Variants in CIP2A observed in about 807,000 individuals in gnomAD.
CIP2A encodes protein CIP2A.
In CIP2A, 103 loss-of-function variants were observed where a neutral mutation model predicts 110.9. The observed-to-expected ratio is 0.93, with a 90% CI of 0.79 to 1.09. The LOEUF (loss-of-function observed/expected upper bound fraction) is 1.09, where lower values mean the gene tolerates loss of function less well. Ranked by LOEUF, CIP2A falls within the 50% of genes least tolerant of loss-of-function variation. The pLI is 0.00. For missense variants in CIP2A, 1,088 were observed against 1,038.4 expected, an observed-to-expected ratio of 1.05 and a Z score of -0.66; for synonymous variants, 381 against 361.6, an observed-to-expected ratio of 1.05 and a Z score of -0.61.
At chr3:108,559,719 T>A (rs749051175) in intron 16 of CIP2A, 38 bp downstream of exon 16, 12 of 1,234,768 alleles carry the variant, frequency 9.7e-6, no homozygotes, top group African/African-American at 1.5e-5. Flanking sequence ...ACTTATTAAT[T>A]TTTCTACAAA....
chr3:108,585,010 A>C (rs1275799781), intron 2 of CIP2A, 55 bp downstream of exon 2: 2 of 1,507,024 alleles, frequency 1.3e-6, no homozygotes, highest in Non-Finnish European at 1.8e-6. Flanking sequence ...CCTGCACTTT[A>C]AAATATTGTT....
At chr3:108,575,515 C>T (rs565783480) in intron 8 of CIP2A, among the ~76,000 whole-genome samples, 3 of 78,722 alleles carry the variant, frequency 3.8e-5, no homozygotes, top group African/African-American at 1.1e-4. Context: ...TATATATACA[C>T]ATACATATAT....
chr3:108,578,258 T>C (rs528917572), intron 7 of CIP2A, among the ~76,000 whole-genome samples: 1 of 152,358 alleles, frequency 6.6e-6, no homozygotes, highest in African/African-American at 2.4e-5. Flanking sequence ...CTGTTTACTA[T>C]GAAGATGCTG....
intron 10 of CIP2A, among the ~76,000 whole-genome samples, chr3:108,567,603 A>G (rs978232620): frequency 6.6e-6 from 1 of 151,938 alleles, no homozygotes. Context: ...AGTGAAACTA[A>G]AAGGTTTCTT....
Position 108,579,573 on chromosome 3 carries a change from C to T in CIP2A, c.665G>A (p.Gly222Glu), listed in dbSNP as rs747117197. ...LSSLTLNEEVGEKLFHARNIH... is the reference protein window; with the variant it reads ...LSSLTLNEEVEEKLFHARNIH... The stretch of plus-strand genomic sequence containing the variant: ...TTGAAAAATTGTATTTACCTTTTCC[C>T]CCACCTCTTCATTTAATGTCAAACT... The change falls in exon 6 of 21, where the codon GGG becomes GAG. Residue 222 changes from glycine to glutamate, a missense_variant. Coordinates refer to ENST00000295746, the MANE Select transcript of CIP2A (RefSeq NM_020890.3). 8 of 1,588,838 alleles carry T rather than the reference C, an allele frequency of 5.0e-6. No homozygotes were observed. The highest frequency in any genetic ancestry group is 1.8e-5 in the Admixed American group (1 of 56,876).
At chr3:108,576,466 CT>C (rs1287786297) in intron 7 of CIP2A, 120 bp from the exon 8 acceptor site, 3 of 526,728 alleles carry the variant, frequency 5.7e-6, no homozygotes, top group Non-Finnish European at 9.8e-6. Context: ...TTTATTTGGG[CT>C]TCTAATATAG....
chr3:108,567,367 G>A (rs1224003308), intron 10 of CIP2A, among the ~76,000 whole-genome samples: 1 of 151,810 alleles, frequency 6.6e-6, no homozygotes, highest in Non-Finnish European at 1.5e-5. Context: ...CAGGGGTGGA[G>A]TTTGCTCTAG....
rs1441414278 is a variant in CIP2A at position 108,550,568 on chromosome 3, CATTTT to C, written c.*576_*580del. The C allele has an allele frequency of 6.6e-6, 1 of 151,314 alleles. No individual in the cohort carries two copies. The highest frequency in any genetic ancestry group is 2.4e-5 in the African/African-American group (1 of 41,378). 9.4% of individuals were successfully genotyped at this position (151,314 alleles called of 1,614,324 possible). On this transcript the variant is annotated 3_prime_UTR_variant, in exon 21 of 21. Transcript: ENST00000295746. The stretch of plus-strand genomic sequence containing the variant: ...CAATGACAGTTTTCTAATTTTTATA[CATTTT>C]ATTACCATTGCATTTTTTTCAAATT...
At chr3:108,556,246 C>A (rs980770413) in intron 17 of CIP2A, among the ~76,000 whole-genome samples, 3 of 152,128 alleles carry the variant, frequency 2.0e-5, no homozygotes, top group Non-Finnish European at 2.9e-5. Context: ...CCATGCCAAG[C>A]TAAAAATTTC....
intron 7 of CIP2A, among the ~76,000 whole-genome samples, chr3:108,578,899 CATTT>C (rs1205756755): frequency 6.6e-6 from 1 of 152,046 alleles, no homozygotes; most frequent in Non-Finnish European, 1.5e-5. Flanking sequence ...AACACTGTTT[CATTT>C]ATTTATAATT....
chr3:108,556,842 A>C (rs570222293), intron 17 of CIP2A, among the ~76,000 whole-genome samples: 4 of 152,164 alleles, frequency 2.6e-5, no homozygotes, highest in Admixed American at 6.6e-5. Flanking sequence ...TACTAATTTG[A>C]CAACTAAGTT....
rs561822970 is a variant in CIP2A, at chr3:108,573,318, C to T, written c.894+2953G>A. Reference sequence around the variant, plus strand: ...TGGCCTTATAATCAAAGACACTATACGCTATTACATATTTAAAAAAAGACA... The same window carrying T: ...TGGCCTTATAATCAAAGACACTATATGCTATTACATATTTAAAAAAAGACA... On this transcript the variant is annotated intron_variant, in intron 8 of 20. Coordinates refer to ENST00000295746, the MANE Select transcript of CIP2A (RefSeq NM_020890.3). 1.2e-3 allele frequency among the ~76,000 whole-genome samples: 184 copies of T among 151,966 alleles called. 1 individual carries two copies. The highest frequency in any genetic ancestry group is 4.1e-3 in the African/African-American group (170 of 41,512).
At chr3:108,584,931 A>T (rs1256125757) in intron 2 of CIP2A, 134 bp downstream of exon 2, 10 of 677,784 alleles carry the variant, frequency 1.5e-5, no homozygotes, top group Non-Finnish European at 2.3e-5. Flanking sequence ...GTGTCAAAAG[A>T]TTCACAATGC....
At chr3:108,552,947 T>C (rs775566626) in intron 19 of CIP2A, among the ~76,000 whole-genome samples, 13 of 152,002 alleles carry the variant, frequency 8.6e-5, no homozygotes, top group African/African-American at 2.9e-4. Flanking sequence ...AAATTACCTA[T>C]TGCTACCTAT....
In CIP2A at chr3:108,566,485, T is replaced by G; in HGVS notation, c.1415+12A>C. On this transcript the variant is annotated intron_variant, in intron 11 of 20. Coordinates refer to ENST00000295746, the MANE Select transcript of CIP2A (RefSeq NM_020890.3). ...TGCCTTGCCATTTTGTCATTAGAGT[T>G]TATATACTCACCATAATTCAGAATC... 1 of 1,599,566 alleles carries G rather than the reference T, an allele frequency of 6.3e-7. No homozygotes were observed. Among genetic ancestry groups the G allele is most frequent in the South Asian group, 1.1e-5 (1 of 88,244 alleles).
chr3:108,581,610 A>C, intron 4 of CIP2A, 99 bp from the exon 5 acceptor site: 2 of 682,202 alleles, frequency 2.9e-6, no homozygotes, highest in South Asian at 2.0e-5. Context: ...AAGTTTATAC[A>C]TTTCAATTCC....
Position 108,569,490 on chromosome 3 carries a change from A to T in CIP2A, c.1012T>A (p.Leu338Ile). Residue 338 changes from leucine to isoleucine, a missense_variant, in exon 9 of 21, where the codon TTA becomes ATA. Transcript: ENST00000295746. ...CGCAGTAGAGCCACAGTAGGTTCTA[A>T]ACATTTAGTATGGCTTCCCAGAGTG... ...SATLGSHTKC[L>I]EPTVALLRWL... is the part of the protein sequence containing the mutation. The T allele has an allele frequency of 6.2e-7, 1 of 1,612,894 alleles. No homozygotes were observed. The highest frequency in any genetic ancestry group is 8.5e-7 in the Non-Finnish European group (1 of 1,179,354).
chr3:108,556,376 T>G (rs1267402498), intron 17 of CIP2A, among the ~76,000 whole-genome samples: 1 of 152,174 alleles, frequency 6.6e-6, no homozygotes, highest in East Asian at 1.9e-4. Flanking sequence ...TGGTCTTCCC[T>G]GTAATTCAGA....
rs745307726 is a variant in CIP2A, at chr3:108,560,748, A to T, written c.1728T>A (p.Ser576Arg). 64 of 1,612,526 alleles carry T rather than the reference A, an allele frequency of 4.0e-5. No individual in the cohort carries two copies. Among genetic ancestry groups the T allele is most frequent in the Non-Finnish European group, 5.3e-5 (62 of 1,178,962 alleles). Residue 576 changes from serine to arginine, a missense_variant, in exon 14 of 21, where the codon AGT becomes AGA. Physicochemically the swap from Ser to Arg is moderately radical, Grantham distance 110. Coordinates refer to ENST00000295746, the MANE Select transcript of CIP2A (RefSeq NM_020890.3). ...TTAAACACTTTATTGATGTTGGAAA[A>T]CTGTGATTTGATGATTGCCAGGGCA... ...RKMPWQSSNHSFPTSIKCLTP... is the reference protein window; with the variant it reads ...RKMPWQSSNHRFPTSIKCLTP...
Sources: allele counts gnomAD v4.1 joint callset (sites outside exome capture counted in the v4.1 genomes callset), GRCh38; gene constraint gnomAD v4.1.1; transcripts MANE v1.5; gene names NCBI Gene and HGNC (gene_info 2026-07-23, HGNC 2026-07-21).